KCNK1: variants seen among roughly 807,000 people sequenced by gnomAD.
KCNK1 encodes potassium channel subfamily K member 1.
A neutral mutation model predicts 22.2 loss-of-function variants in KCNK1; 10 were observed. The observed-to-expected ratio is 0.45, with a 90% CI of 0.28 to 0.76. The LOEUF (loss-of-function observed/expected upper bound fraction) is 0.76, where lower values mean the gene tolerates loss of function less well. KCNK1 is among the 30% of genes least tolerant of loss of function. The pLI is 0.14. For synonymous variants in KCNK1, 200 were observed against 186.4 expected (o/e 1.07, Z -0.60); for missense variants, 378 against 421.0 (o/e 0.90, Z 0.89).
intron 1 of KCNK1, among the ~76,000 whole-genome samples, chr1:233,619,881 A>G (rs1277110782): frequency 1.6e-5 from 2 of 127,756 alleles, no homozygotes; most frequent in Non-Finnish European, 3.1e-5. Flanking sequence ...CTGCACACCA[A>G]CCTGGGCAGC....
intron 1 of KCNK1, among the ~76,000 whole-genome samples, chr1:233,621,985 T>C (rs1169108939): frequency 6.6e-6 from 1 of 152,192 alleles, no homozygotes; most frequent in Non-Finnish European, 1.5e-5. Flanking sequence ...CCCCGGAAGA[T>C]ACTGCTACTA....
At chr1:233,670,734 T>G (rs994318563) in intron 2 of KCNK1, among the ~76,000 whole-genome samples, 1 of 151,414 alleles carries the variant, frequency 6.6e-6, no homozygotes, top group African/African-American at 2.4e-5. Flanking sequence ...AAGATGAGAT[T>G]TGGGTGGGGA....
chr1:233,669,487 A>G (rs1354356436), intron 2 of KCNK1, among the ~76,000 whole-genome samples: 1 of 152,232 alleles, frequency 6.6e-6, no homozygotes, highest in Admixed American at 6.5e-5. Context: ...TGGGCAGGAT[A>G]AAATACCCCT....
chr1:233,666,779 C>T lies in KCNK1; in HGVS notation c.540C>T (p.Ala180=). ...IRWGFSKQVV[A]IVHAVLLGFV... ...GGGGCTTCTCCAAGCAGGTGGTGGC[C>T]ATCGTCCATGCCGTGCTCCTTGGGT... The change falls in exon 2 of 3, where the codon GCC becomes GCT. Residue 180 remains alanine (A), a synonymous_variant. Transcript: ENST00000366621. 6.2e-7 allele frequency: 1 copy of T among 1,614,194 alleles called. No individual in the cohort carries two copies. Among genetic ancestry groups the T allele is most frequent in the Non-Finnish European group, 8.5e-7 (1 of 1,180,030 alleles).
chr1:233,671,461 C>A lies in KCNK1; in HGVS notation c.942C>A (p.Asp314Glu), dbSNP rs1658596314. Residue 314 changes from aspartate (D) to glutamate (E), a missense_variant, in exon 3 of 3, where the codon GAC (aspartate) becomes GAA (glutamate). Physicochemically the swap from Asp to Glu is conservative, Grantham distance 45. Coordinates refer to ENST00000366621, the MANE Select transcript of KCNK1 (RefSeq NM_002245.4). Reference protein sequence around the residue: ...ITDQAAGMKEDQKQNEPFVAT... With the variant: ...ITDQAAGMKEEQKQNEPFVAT... ...ACCAGGCAGCTGGCATGAAAGAGGACCAGAAGCAAAATGAGCCTTTTGTGG... is the reference window on the plus strand; with the variant it reads ...ACCAGGCAGCTGGCATGAAAGAGGAACAGAAGCAAAATGAGCCTTTTGTGG... 1 of 1,614,038 alleles carries A rather than the reference C, an allele frequency of 6.2e-7. No individual in the cohort carries two copies. Among genetic ancestry groups the A allele is most frequent in the Non-Finnish European group, 8.5e-7 (1 of 1,180,032 alleles).
rs1483227587 is a variant in KCNK1 at position 233,672,083 on chromosome 1, A to G, written c.*553A>G. ...GTACATATAAAGTATAAATATGTTT[A>G]TATTCTGTACATATGGTTTAGGTCA... On this transcript the variant is annotated 3_prime_UTR_variant, in exon 3 of 3. Coordinates refer to ENST00000366621, the MANE Select transcript of KCNK1 (RefSeq NM_002245.4). 6.5e-6 allele frequency: 1 copy of G among 154,920 alleles called. No individual in the cohort carries two copies. The highest frequency in any genetic ancestry group is 1.4e-5 in the Non-Finnish European group (1 of 69,582). The allele number at this position is 154,920 out of a possible 1,614,324, so 9.6% of individuals were successfully genotyped here. A position where few individuals can be genotyped will look rare whatever the true frequency, so the allele number is the denominator to read the frequency against.
chr1:233,670,005 C>G (rs185706362), intron 2 of KCNK1, among the ~76,000 whole-genome samples: 38 of 152,276 alleles, frequency 2.5e-4, no homozygotes, highest in African/African-American at 8.7e-4. Flanking sequence ...TTTTAGCTTC[C>G]CTACTTCATA....
chr1:233,621,616 C>T (rs1657588218), intron 1 of KCNK1, among the ~76,000 whole-genome samples: 1 of 152,164 alleles, frequency 6.6e-6, no homozygotes, highest in Non-Finnish European at 1.5e-5. Flanking sequence ...ATAATAAATT[C>T]TAGAAACATT....
At position 233,671,790 on chromosome 1, in the gene KCNK1, A is replaced by G. The variant is rs1426626255; in HGVS notation, c.*260A>G. 4 of 482,884 alleles carry G rather than the reference A, an allele frequency of 8.3e-6. No homozygotes were observed. The highest frequency in any genetic ancestry group is 5.8e-5 in the African/African-American group (3 of 51,592). 29.9% of individuals were successfully genotyped at this position (482,884 alleles called of 1,614,324 possible). A position where few individuals can be genotyped will look rare whatever the true frequency, so the allele number is the denominator to read the frequency against. On this transcript the variant is annotated 3_prime_UTR_variant, in exon 3 of 3. Transcript: ENST00000366621. ...TGTGACAAAATTATCTCGACCTTACATAGGAGGAGAATACTTGAAGCAGTA... is the reference window on the plus strand; with the variant it reads ...TGTGACAAAATTATCTCGACCTTACGTAGGAGGAGAATACTTGAAGCAGTA...
At position 233,614,168 on chromosome 1, in the gene KCNK1, G is replaced by GA; in HGVS notation, c.-2dup. On this transcript the variant is annotated 5_prime_UTR_variant, in exon 1 of 3. Coordinates refer to ENST00000366621, the MANE Select transcript of KCNK1 (RefSeq NM_002245.4). Reference sequence around the variant, plus strand: ...CGTTGGCCTTGGCGGCGGCGGTGGAGAAGATGCTGCAGTCCCTGGCCGGCA... The same window carrying GA: ...CGTTGGCCTTGGCGGCGGCGGTGGAGAAAGATGCTGCAGTCCCTGGCCGGCA... The GA allele has an allele frequency of 6.3e-7, 1 of 1,594,008 alleles. No homozygotes were observed. Among genetic ancestry groups the GA allele is most frequent in the South Asian group, 1.1e-5 (1 of 89,722 alleles).
At chr1:233,655,916 A>G (rs894028437) in intron 1 of KCNK1, 1 of 151,122 alleles carries the variant, frequency 6.6e-6, no homozygotes. Context: ...AAAAAAAAAA[A>G]CGGCTCCAAT....
At position 233,666,773 on chromosome 1, in the gene KCNK1, G is replaced by A; in HGVS notation, c.534G>A (p.Val178=). The A allele has an allele frequency of 6.2e-7, 1 of 1,614,182 alleles. No homozygotes were observed. Among genetic ancestry groups the A allele is most frequent in the Non-Finnish European group, 8.5e-7 (1 of 1,180,042 alleles). ...FHIRWGFSKQ[V]VAIVHAVLLG... The stretch of plus-strand genomic sequence containing the variant: ...TCCGCTGGGGCTTCTCCAAGCAGGT[G>A]GTGGCCATCGTCCATGCCGTGCTCC... Residue 178 remains valine, a synonymous_variant, in exon 2 of 3, where the codon GTG becomes GTA. Transcript: ENST00000366621.
chr1:233,623,146 T>G (rs1441590342), intron 1 of KCNK1, among the ~76,000 whole-genome samples: 1 of 152,038 alleles, frequency 6.6e-6, no homozygotes, highest in African/African-American at 2.4e-5. Context: ...GTTTTTCTAA[T>G]GCACTAACTT....
intron 1 of KCNK1, among the ~76,000 whole-genome samples, chr1:233,658,103 A>G (rs1658331669): frequency 6.6e-6 from 1 of 152,194 alleles, no homozygotes; most frequent in Admixed American, 6.5e-5. Flanking sequence ...AGTTCTAAAA[A>G]TATGAAAAAA....
At chr1:233,646,603 G>A (rs956179131) in intron 1 of KCNK1, among the ~76,000 whole-genome samples, 4 of 151,966 alleles carry the variant, frequency 2.6e-5, no homozygotes, top group Non-Finnish European at 4.4e-5. Context: ...CCGAGTGCAG[G>A]GAGTGAGAGC....
At chr1:233,665,647 A>G (rs1658474813) in intron 1 of KCNK1, among the ~76,000 whole-genome samples, 1 of 146,816 alleles carries the variant, frequency 6.8e-6, no homozygotes, top group Non-Finnish European at 1.5e-5. Flanking sequence ...GGGCCAGGCA[A>G]GTGGTCCACA....
At chr1:233,642,935 ATT>A (rs11459973) in intron 1 of KCNK1, among the ~76,000 whole-genome samples, 32 of 133,084 alleles carry the variant, frequency 2.4e-4, no homozygotes, top group Non-Finnish European at 3.2e-4. Context: ...CACCCGGCTA[ATT>A]TTTTTTTTTT....
chr1:233,658,228 G>A (rs952902435), intron 1 of KCNK1, among the ~76,000 whole-genome samples: 7 of 152,230 alleles, frequency 4.6e-5, no homozygotes, highest in Non-Finnish European at 8.8e-5. Flanking sequence ...GGACAACAGG[G>A]ATCCATTAGA....
At chr1:233,639,743 G>A (rs1381872994) in intron 1 of KCNK1, among the ~76,000 whole-genome samples, 2 of 152,184 alleles carry the variant, frequency 1.3e-5, no homozygotes, top group African/African-American at 2.4e-5. Context: ...CGTGAACGTG[G>A]CATTGTGGTT....
Sources: gnomAD v4.1 joint callset for allele counts (sites outside exome capture counted in the v4.1 genomes callset) on GRCh38, gnomAD v4.1.1 for gene constraint, MANE v1.5 for transcripts, NCBI Gene and HGNC (gene_info 2026-07-23, HGNC 2026-07-21) for gene names.